INTS9: variants seen among roughly 807,000 people sequenced by gnomAD.
INTS9 encodes the protein protein related to CPSF subunits of 74 kDa.
In INTS9, 55 loss-of-function variants were observed where a neutral mutation model predicts 79.7. The ratio of observed to expected loss-of-function variants is 0.69; its 90% confidence interval spans 0.56 to 0.86. The LOEUF (loss-of-function observed/expected upper bound fraction) is 0.86. Ranked by LOEUF, INTS9 falls within the 40% of genes least tolerant of loss-of-function variation. The pLI is 0.00. For missense variants in INTS9, 721 were observed against 831.5 expected (o/e 0.87, Z 1.64); for synonymous variants, 319 against 325.2 (o/e 0.98, Z 0.20).
intron 8 of INTS9, among the ~76,000 whole-genome samples, chr8:28,806,251 A>C (rs1804804302): frequency 6.6e-6 from 1 of 152,176 alleles, no homozygotes; most frequent in Admixed American, 6.5e-5. Context: ...ACAAAACAAA[A>C]AAAACCAGGC....
chr8:28,775,167 G>A (rs1263486398), intron 14 of INTS9, among the ~76,000 whole-genome samples: 3 of 152,174 alleles, frequency 2.0e-5, no homozygotes, highest in Non-Finnish European at 2.9e-5. Context: ...GGGACAGAGC[G>A]GGTGTCAGCA....
At chr8:28,812,571 A>G (rs1343976247) in intron 7 of INTS9, 110 bp from the exon 8 acceptor site, 4 of 1,210,192 alleles carry the variant, frequency 3.3e-6, no homozygotes, top group East Asian at 5.1e-5. Flanking sequence ...AACAAAAATT[A>G]TTTTAAAGTA....
rs773489315 is a variant in INTS9 at position 28,771,098 on chromosome 8, A to G, written c.1564-18T>C. ...TCTGCGAGCTGAAAGCAAAGGGCGC[A>G]GTTCAGGCTGGGGGCCTTTAATGAT... On this transcript the variant is annotated intron_variant, in intron 14 of 16. Coordinates refer to ENST00000521022, the MANE Select transcript of INTS9 (RefSeq NM_018250.4). The G allele has an allele frequency of 1.9e-6, 3 of 1,570,100 alleles. No individual in the cohort carries two copies. Among genetic ancestry groups the G allele is most frequent in the Admixed American group, 1.8e-5 (1 of 56,454 alleles).
At chr8:28,826,704 T>C (rs927009878) in intron 6 of INTS9, among the ~76,000 whole-genome samples, 2 of 152,232 alleles carry the variant, frequency 1.3e-5, no homozygotes, top group African/African-American at 4.8e-5. Context: ...TCTTGCCTGC[T>C]TGGAATGGTC....
At chr8:28,831,331 T>C (rs1040163937) in intron 6 of INTS9, among the ~76,000 whole-genome samples, 5 of 152,010 alleles carry the variant, frequency 3.3e-5, no homozygotes, top group Middle Eastern at 3.2e-3. Context: ...AGGGGGAGCA[T>C]TGAGATAAAC....
chr8:28,772,577 G>A (rs1311256211), intron 14 of INTS9, among the ~76,000 whole-genome samples: 2 of 151,786 alleles, frequency 1.3e-5, no homozygotes, highest in Non-Finnish European at 2.9e-5. Context: ...GGAGGCCGAG[G>A]TGGGTAGATC....
At chr8:28,837,614 A>G in intron 5 of INTS9, 23 bp downstream of exon 5, 1 of 1,609,648 alleles carries the variant, frequency 6.2e-7, no homozygotes, top group Non-Finnish European at 8.5e-7. Context: ...ACATCCTAGC[A>G]GGGTCAGAAT....
In INTS9 at chr8:28,812,181, G is replaced by C. The variant is rs1210071966; in HGVS notation, c.744+146C>G. On this transcript the variant is annotated intron_variant, in intron 8 of 16. Coordinates refer to ENST00000521022, the MANE Select transcript of INTS9 (RefSeq NM_018250.4). The stretch of plus-strand genomic sequence containing the variant: ...AGAAACCTGTAGGTCAAAATGTTGA[G>C]ACTCAAATAGTCTACCTTGGCTAGA... 4 of 784,680 alleles carry C rather than the reference G, an allele frequency of 5.1e-6. No individual in the cohort carries two copies. In the South Asian group the frequency reaches 5.6e-5, roughly 11 times the overall value. 48.6% of individuals were successfully genotyped at this position (784,680 alleles called of 1,614,324 possible).
intron 11 of INTS9, 60 bp downstream of exon 11, chr8:28,787,769 A>T (rs1291466869): frequency 2.5e-6 from 3 of 1,213,188 alleles, no homozygotes; most frequent in Non-Finnish European, 3.7e-6. Context: ...TGCTGTCTGC[A>T]TCTGCATCAG....
At chr8:28,771,132 C>A in intron 14 of INTS9, 52 bp from the exon 15 acceptor site, 2 of 1,179,264 alleles carry the variant, frequency 1.7e-6, no homozygotes, top group Non-Finnish European at 2.5e-6. Flanking sequence ...ATGACCATTA[C>A]TCTTCCTTTA....
At position 28,856,680 on chromosome 8, in the gene INTS9, T is replaced by G. The variant is rs563371431; in HGVS notation, c.137+2756A>C. Among the ~76,000 whole-genome samples the G allele has an allele frequency of 3.2e-4, 49 of 152,348 alleles. 1 individual carries two copies. In the South Asian group the frequency reaches 9.9e-3, roughly 31 times the overall value. On this transcript the variant is annotated intron_variant, in intron 2 of 16. Coordinates refer to ENST00000521022, the MANE Select transcript of INTS9 (RefSeq NM_018250.4). ...AAGATACACATTTGTAAGTTGCTGTTTGGACGGTTATTGCAGCTCTGAGCA... is the reference window on the plus strand; with the variant it reads ...AAGATACACATTTGTAAGTTGCTGTGTGGACGGTTATTGCAGCTCTGAGCA...
intron 1 of INTS9, among the ~76,000 whole-genome samples, chr8:28,872,309 C>T (rs1260942600): frequency 6.6e-6 from 1 of 151,960 alleles, no homozygotes; most frequent in Admixed American, 6.6e-5. Flanking sequence ...GAATAAAAAC[C>T]AAAATTTCAA....
At chr8:28,864,311 G>C (rs953085473) in intron 1 of INTS9, among the ~76,000 whole-genome samples, 7 of 152,186 alleles carry the variant, frequency 4.6e-5, no homozygotes, top group East Asian at 3.8e-4. Flanking sequence ...GAGAAGTAAA[G>C]TTAAGACATT....
At chr8:28,884,168 C>CTTTTTTTT (rs35799882) in intron 1 of INTS9, among the ~76,000 whole-genome samples, 15 of 46,978 alleles carry the variant, frequency 3.2e-4, no homozygotes, top group Non-Finnish European at 4.0e-4. Flanking sequence ...ATCAGTGTAT[C>CTTTTTTTT]TTTTTTTTTT....
intron 2 of INTS9, among the ~76,000 whole-genome samples, chr8:28,852,348 C>T (rs1398288007): frequency 6.8e-6 from 1 of 147,380 alleles, no homozygotes; most frequent in African/African-American, 2.5e-5. Flanking sequence ...TTAAAATAAA[C>T]TCTGGGAGTT....
At chr8:28,812,016 C>A (rs1805181916) in intron 8 of INTS9, among the ~76,000 whole-genome samples, 1 of 152,218 alleles carries the variant, frequency 6.6e-6, no homozygotes, top group Non-Finnish European at 1.5e-5. Context: ...ACACTTGGCC[C>A]TTGGGAAGGA....
At chr8:28,791,794 A>T (rs980504188) in intron 10 of INTS9, among the ~76,000 whole-genome samples, 1 of 152,218 alleles carries the variant, frequency 6.6e-6, no homozygotes, top group Non-Finnish European at 1.5e-5. Context: ...AGAACTATCG[A>T]TGGAAACAAG....
chr8:28,864,950 C>T (rs1299656991), intron 1 of INTS9, among the ~76,000 whole-genome samples: 2 of 145,246 alleles, frequency 1.4e-5, no homozygotes, highest in Admixed American at 1.4e-4. Context: ...TGCACCACTG[C>T]ACTCCCTCCT....
intron 1 of INTS9, among the ~76,000 whole-genome samples, chr8:28,877,568 T>C (rs1466467153): frequency 6.6e-6 from 1 of 152,140 alleles, no homozygotes; most frequent in South Asian, 2.1e-4. Context: ...ATGCTACAGA[T>C]GTACTCCCTA....
Sources: allele counts gnomAD v4.1 joint callset (sites outside exome capture counted in the v4.1 genomes callset), GRCh38; gene constraint gnomAD v4.1.1; transcripts MANE v1.5; gene names NCBI Gene and HGNC (gene_info 2026-07-23, HGNC 2026-07-21).